Variants in SH3BGRL observed in about 807,000 individuals in gnomAD.
The protein encoded by SH3BGRL is adapter SH3BGRL.
In SH3BGRL, 7 loss-of-function variants were observed where a neutral mutation model predicts 9.8. The observed-to-expected ratio is 0.72, with a 90% confidence interval of 0.41 to 1.35. The LOEUF is 1.35. Among genes scored for constraint, SH3BGRL ranks in the 40% most tolerant of loss-of-function variants. SH3BGRL has a pLI of 0.01. For missense variants in SH3BGRL, 73 were observed against 84.4 expected, an observed-to-expected ratio of 0.86 and a Z score of 0.53; for synonymous variants, 36 against 29.1, an observed-to-expected ratio of 1.24 and a Z score of -0.76.
Position 81,264,226 on chromosome X carries a change from T to C in SH3BGRL, c.46-12758T>C, listed in dbSNP as rs1286893982. Among the ~76,000 whole-genome samples, 3 of 111,008 alleles carry C rather than the reference T, an allele frequency of 2.7e-5. No individual in the cohort carries two copies. The South Asian group carries it at 1.2e-3, about 43-fold the overall frequency. On this transcript the variant is annotated intron_variant, in intron 1 of 3. Transcript: ENST00000373212. ...TGTCAGTCTCCAGCTGAATTTGGAG[T>C]ATGTCTAGTATATCCCCCCCATGAA...
chrX:81,218,794 T>TATATAGATATAG (rs200310468), intron 1 of SH3BGRL, among the ~76,000 whole-genome samples: 2,301 of 100,236 alleles, frequency 0.023, 68 homozygotes, highest in African/African-American at 0.066. Context: ...TCTGTATGTA[T>TATATAGATATAG]ATATAGATAT....
At chrX:81,211,883 T>C (rs2075565780) in intron 1 of SH3BGRL, among the ~76,000 whole-genome samples, 1 of 111,111 alleles carries the variant, frequency 9.0e-6, no homozygotes, top group Non-Finnish European at 1.9e-5. Flanking sequence ...TCCATATATA[T>C]ATATGTATAT....
At chrX:81,267,717 C>T (rs1431836155) in intron 1 of SH3BGRL, among the ~76,000 whole-genome samples, 2 of 111,730 alleles carry the variant, frequency 1.8e-5, no homozygotes, top group African/African-American at 3.3e-5. Flanking sequence ...TGATGCTCGC[C>T]TCATAAAATG....
chrX:81,204,849 C>T (rs1404006949), intron 1 of SH3BGRL, among the ~76,000 whole-genome samples: 1 of 111,887 alleles, frequency 8.9e-6, no homozygotes, highest in Non-Finnish European at 1.9e-5. Context: ...AAAAAAGTGG[C>T]CTAATAGTGA....
intron 1 of SH3BGRL, among the ~76,000 whole-genome samples, chrX:81,223,886 A>G (rs1372598184): frequency 1.8e-5 from 2 of 110,483 alleles, no homozygotes; most frequent in East Asian, 2.9e-4. Context: ...GGATCTTGCT[A>G]TGTTGCCCAG....
intron 1 of SH3BGRL, among the ~76,000 whole-genome samples, chrX:81,228,930 T>A (rs1477670744): frequency 9.0e-6 from 1 of 111,622 alleles, no homozygotes; most frequent in African/African-American, 3.3e-5. Flanking sequence ...ATCTAGAGGG[T>A]TCAAAATTCG....
chrX:81,295,832 A>G (rs1201267367), intron 3 of SH3BGRL, among the ~76,000 whole-genome samples: 1 of 111,340 alleles, frequency 9.0e-6, no homozygotes, highest in Non-Finnish European at 1.9e-5. Context: ...ATAACAATTT[A>G]ACAAGTCTCT....
intron 1 of SH3BGRL, among the ~76,000 whole-genome samples, chrX:81,269,518 T>A (rs1169195927): frequency 8.9e-6 from 1 of 111,951 alleles, no homozygotes; most frequent in Non-Finnish European, 1.9e-5. Context: ...TGAAAATTCT[T>A]TTCTTTAAGA....
rs745658874 is a variant in SH3BGRL at position 81,282,152 on chromosome X, C to G, written c.312+3741C>G. On this transcript the variant is annotated intron_variant, in intron 3 of 3. Coordinates refer to ENST00000373212, the MANE Select transcript of SH3BGRL (RefSeq NM_003022.3). ...TATCACAATCTTAAACATATATGCACCTAACACTGGAGCTTTCAAATTTAT... is the reference window on the plus strand; with the variant it reads ...TATCACAATCTTAAACATATATGCAGCTAACACTGGAGCTTTCAAATTTAT... Among the ~76,000 whole-genome samples the G allele has an allele frequency of 4.5e-5, 5 of 111,625 alleles. No individual in the cohort carries two copies. The South Asian group carries it at 1.9e-3, about 42-fold the overall frequency.
intron 1 of SH3BGRL, among the ~76,000 whole-genome samples, chrX:81,240,044 A>T (rs904939981): frequency 1.8e-5 from 2 of 112,404 alleles, no homozygotes; most frequent in African/African-American, 6.5e-5. Context: ...GAAAGAAAAT[A>T]ATGATAATGA....
chrX:81,227,259 T>C (rs2075620013), intron 1 of SH3BGRL, among the ~76,000 whole-genome samples: 2 of 112,579 alleles, frequency 1.8e-5, no homozygotes, highest in African/African-American at 6.4e-5. Flanking sequence ...TTTCAATCAC[T>C]TTATGGATTT....
intron 1 of SH3BGRL, among the ~76,000 whole-genome samples, chrX:81,275,992 A>G (rs1019881301): frequency 2.7e-5 from 3 of 111,135 alleles, no homozygotes; most frequent in Non-Finnish European, 5.7e-5. Flanking sequence ...TGGCAGACAG[A>G]TTTATTTTAT....
intron 1 of SH3BGRL, among the ~76,000 whole-genome samples, chrX:81,228,136 A>G (rs1228068819): frequency 8.9e-6 from 1 of 112,255 alleles, no homozygotes; most frequent in Non-Finnish European, 1.9e-5. Context: ...GAAGAGGTTT[A>G]TTCTGAACCA....
In SH3BGRL at chrX:81,229,257, T is replaced by C. The variant is rs73634729; in HGVS notation, c.45+27012T>C. On this transcript the variant is annotated intron_variant, in intron 1 of 3. Coordinates refer to ENST00000373212, the MANE Select transcript of SH3BGRL (RefSeq NM_003022.3). Reference sequence around the variant, plus strand: ...GGGGAGCATGCATATGGGCAGGCTGTGGGACTCTGACCCCACAACAGTGTC... The same window carrying C: ...GGGGAGCATGCATATGGGCAGGCTGCGGGACTCTGACCCCACAACAGTGTC... Among the ~76,000 whole-genome samples, 1,023 of 111,046 alleles carry C rather than the reference T, an allele frequency of 9.2e-3. 9 individuals are homozygous for C. Among genetic ancestry groups the C allele is most frequent in the African/African-American group, 0.031 (954 of 30,534 alleles).
intron 1 of SH3BGRL, among the ~76,000 whole-genome samples, chrX:81,269,155 C>T (rs1390217918): frequency 3.6e-5 from 4 of 111,459 alleles, no homozygotes; most frequent in African/African-American, 1.3e-4. Flanking sequence ...ACCGATGGGT[C>T]TTGATTCTTT....
chrX:81,246,516 T>C (rs2075689272), intron 1 of SH3BGRL, among the ~76,000 whole-genome samples: 1 of 112,097 alleles, frequency 8.9e-6, no homozygotes, highest in Non-Finnish European at 1.9e-5. Context: ...GATTCAATCT[T>C]CTGCATATGG....
intron 3 of SH3BGRL, among the ~76,000 whole-genome samples, chrX:81,296,985 T>G (rs2075877368): frequency 8.9e-6 from 1 of 111,735 alleles, no homozygotes; most frequent in Admixed American, 9.5e-5. Flanking sequence ...TTCCAAATCA[T>G]TAGGAATGAT....
At chrX:81,272,051 G>T (rs2075781752) in intron 1 of SH3BGRL, among the ~76,000 whole-genome samples, 1 of 109,302 alleles carries the variant, frequency 9.1e-6, no homozygotes, top group Non-Finnish European at 1.9e-5. Flanking sequence ...AAAAAAATTA[G>T]CCAGGCATGG....
chrX:81,248,804 T>C (rs1419660334), intron 1 of SH3BGRL, among the ~76,000 whole-genome samples: 1 of 111,861 alleles, frequency 8.9e-6, no homozygotes, highest in Non-Finnish European at 1.9e-5. Flanking sequence ...GCTCCAGGGG[T>C]TGGGAGAAAG....
Sources: gnomAD v4.1 joint callset for allele counts (sites outside exome capture counted in the v4.1 genomes callset) on GRCh38, gnomAD v4.1.1 for gene constraint, MANE v1.5 for transcripts, NCBI Gene and HGNC (gene_info 2026-07-23, HGNC 2026-07-21) for gene names.